The following MYRIP variants were observed in gnomAD, a reference collection of about 807,000 sequenced individuals.
MYRIP encodes the protein myosin VIIA and Rab interacting protein.
Under a neutral mutation model 98.0 loss-of-function variants are expected in MYRIP, and 49 were observed. That is an observed-to-expected ratio of 0.50 (90% CI 0.40 to 0.63). The LOEUF is 0.63. MYRIP is among the 30% of genes least tolerant of loss of function. The pLI, the probability that MYRIP is intolerant of heterozygous loss-of-function variation, is 0.00. For synonymous variants in MYRIP, 404 were observed against 409.5 expected, an observed-to-expected ratio of 0.99 and a Z score of 0.16; for missense variants, 1,004 against 1,058.2, an observed-to-expected ratio of 0.95 and a Z score of 0.71.
intron 2 of MYRIP, among the ~76,000 whole-genome samples, chr3:39,971,327 G>C (rs1202114281): frequency 6.6e-6 from 1 of 151,992 alleles, no homozygotes; most frequent in Non-Finnish European, 1.5e-5. Flanking sequence ...GAGCTCTCAG[G>C]TATCTGCTTC....
At chr3:40,257,075 C>T (rs536869785) in intron 16 of MYRIP, among the ~76,000 whole-genome samples, 1 of 152,272 alleles carries the variant, frequency 6.6e-6, no homozygotes, top group South Asian at 2.1e-4. Context: ...CCTATAATTC[C>T]AGCACTTTGG....
At chr3:39,903,133 G>A (rs771053886) in intron 2 of MYRIP, among the ~76,000 whole-genome samples, 2 of 152,098 alleles carry the variant, frequency 1.3e-5, no homozygotes, top group African/African-American at 2.4e-5. Flanking sequence ...GCAAACTGAG[G>A]TGACATTCTG....
chr3:40,000,409 C>T (rs1946491670), intron 2 of MYRIP, among the ~76,000 whole-genome samples: 1 of 152,112 alleles, frequency 6.6e-6, no homozygotes, highest in Non-Finnish European at 1.5e-5. Context: ...TCTACTCTCC[C>T]CAGGAAAGGT....
Position 39,809,802 on chromosome 3 carries a change from C to T in MYRIP, c.-145C>T, listed in dbSNP as rs1015483724. 1 of 152,278 alleles carries T rather than the reference C, an allele frequency of 6.6e-6. No individual in the cohort carries two copies. The highest frequency in any genetic ancestry group is 1.5e-5 in the Non-Finnish European group (1 of 68,082). The allele number at this position is 152,278 out of a possible 1,614,324, so 9.4% of individuals were successfully genotyped here. A position where few individuals can be genotyped will look rare whatever the true frequency, so the allele number is the denominator to read the frequency against. On this transcript the variant is annotated 5_prime_UTR_variant, in exon 1 of 17. Coordinates refer to ENST00000302541, the MANE Select transcript of MYRIP (RefSeq NM_015460.4). ...GCCCCTTCTTCGCCGCCGGCAGCCTCTAATCCACGCGGCGCGTTGCGGCAG... is the reference window on the plus strand; with the variant it reads ...GCCCCTTCTTCGCCGCCGGCAGCCTTTAATCCACGCGGCGCGTTGCGGCAG...
intron 16 of MYRIP, among the ~76,000 whole-genome samples, chr3:40,252,216 C>T (rs755387581): frequency 9.2e-5 from 14 of 152,110 alleles, no homozygotes; most frequent in East Asian, 5.8e-4. Flanking sequence ...CACACACCGC[C>T]GGTCACCCTC....
intron 8 of MYRIP, among the ~76,000 whole-genome samples, chr3:40,174,925 CG>C (rs1575596957): frequency 6.6e-6 from 1 of 152,066 alleles, no homozygotes; most frequent in Non-Finnish European, 1.5e-5. Flanking sequence ...AAATGGATCA[CG>C]TGGTCAGGAG....
chr3:39,961,269 G>A (rs142146744), intron 2 of MYRIP, among the ~76,000 whole-genome samples: 1 of 151,944 alleles, frequency 6.6e-6, no homozygotes, highest in Non-Finnish European at 1.5e-5. Context: ...GAAGGGAAAT[G>A]GTAGCAGCAG....
At chr3:40,009,219 G>T (rs1409609249) in intron 2 of MYRIP, among the ~76,000 whole-genome samples, 1 of 151,824 alleles carries the variant, frequency 6.6e-6, no homozygotes, top group East Asian at 1.9e-4. Flanking sequence ...ACAGTGGAGG[G>T]ATGACAAACT....
chr3:40,113,128 T>G (rs906408354), intron 3 of MYRIP, among the ~76,000 whole-genome samples: 3 of 152,128 alleles, frequency 2.0e-5, no homozygotes, highest in African/African-American at 7.2e-5. Context: ...TTCAGAACAA[T>G]GCAAAAGAAA....
chr3:40,045,969 T>A (rs1280132667), intron 3 of MYRIP, among the ~76,000 whole-genome samples: 1 of 151,988 alleles, frequency 6.6e-6, no homozygotes, highest in East Asian at 1.9e-4. Context: ...TAGAGAAAAT[T>A]GGAAAAAATG....
intron 1 of MYRIP, among the ~76,000 whole-genome samples, chr3:39,849,818 C>G (rs867582327): frequency 2.0e-5 from 3 of 152,158 alleles, no homozygotes; most frequent in Admixed American, 6.5e-5. Flanking sequence ...GAAAGCCTGA[C>G]CCTTTTGACT....
chr3:39,912,095 C>T (rs1944035808), intron 2 of MYRIP, among the ~76,000 whole-genome samples: 1 of 152,162 alleles, frequency 6.6e-6, no homozygotes. Context: ...TGGCCTGGTC[C>T]CAGCCCTCTG....
intron 2 of MYRIP, among the ~76,000 whole-genome samples, chr3:39,998,425 G>A (rs1229873483): frequency 3.3e-5 from 5 of 152,052 alleles, no homozygotes; most frequent in Non-Finnish European, 4.4e-5. Flanking sequence ...ACTCTCATTC[G>A]CAATTGCTTC....
At chr3:39,994,735 G>C (rs1212729649) in intron 2 of MYRIP, among the ~76,000 whole-genome samples, 3 of 152,242 alleles carry the variant, frequency 2.0e-5, no homozygotes, top group Non-Finnish European at 1.5e-5. Context: ...TGGACAGACT[G>C]CCTCTTCAAG....
At chr3:39,915,336 C>T (rs1575375173) in intron 2 of MYRIP, among the ~76,000 whole-genome samples, 1 of 152,074 alleles carries the variant, frequency 6.6e-6, no homozygotes, top group East Asian at 1.9e-4. Context: ...TTTTGTATAA[C>T]CTAAGATCAA....
intron 3 of MYRIP, among the ~76,000 whole-genome samples, chr3:40,124,925 G>T (rs1016504101): frequency 1.3e-5 from 2 of 152,150 alleles, no homozygotes; most frequent in African/African-American, 2.4e-5. Context: ...CCCTCATATA[G>T]AAGAGGCAGT....
chr3:39,973,673 GTAAA>G (rs1945661940), intron 2 of MYRIP, among the ~76,000 whole-genome samples: 1 of 142,484 alleles, frequency 7.0e-6, no homozygotes, highest in African/African-American at 2.8e-5. Context: ...CTCAGCAAAT[GTAAA>G]AGAAGAGAAA....
At chr3:39,930,656 A>T (rs987398237) in intron 2 of MYRIP, among the ~76,000 whole-genome samples, 1 of 152,078 alleles carries the variant, frequency 6.6e-6, no homozygotes, top group Non-Finnish European at 1.5e-5. Context: ...TTATAAATTT[A>T]TCTCTTAAAT....
intron 3 of MYRIP, among the ~76,000 whole-genome samples, chr3:40,145,381 T>C (rs1949986533): frequency 6.6e-6 from 1 of 152,218 alleles, no homozygotes; most frequent in Non-Finnish European, 1.5e-5. Context: ...ATTCGGTATA[T>C]TGTGTTTGAT....
Sources: gnomAD v4.1 joint callset for allele counts (sites outside exome capture counted in the v4.1 genomes callset) on GRCh38, gnomAD v4.1.1 for gene constraint, MANE v1.5 for transcripts, NCBI Gene and HGNC (gene_info 2026-07-23, HGNC 2026-07-21) for gene names.